ZNF343: variants seen among roughly 807,000 people sequenced by gnomAD.
ZNF343 encodes the protein zinc finger protein 343.
ZNF343 carries 11 observed loss-of-function variants against 13.8 expected under a neutral mutation model. The ratio of observed to expected loss-of-function variants is 0.80; its 90% CI spans 0.50 to 1.32. The LOEUF is 1.32. ZNF343 is among the 40% of genes most tolerant of loss of function. The pLI, the probability that ZNF343 is intolerant of heterozygous loss-of-function variation, is 0.00. For synonymous variants in ZNF343, 248 were observed against 260.0 expected, an observed-to-expected ratio of 0.95 and a Z score of 0.44; for missense variants, 658 against 714.2, an observed-to-expected ratio of 0.92 and a Z score of 0.90.
intron 5 of ZNF343, among the ~76,000 whole-genome samples, chr20:2,492,386 T>A (rs2085379725): frequency 6.6e-6 from 1 of 152,240 alleles, no homozygotes; most frequent in South Asian, 2.1e-4. Flanking sequence ...TTCACTGATT[T>A]CAAATACCCA....
intron 2 of ZNF343, among the ~76,000 whole-genome samples, chr20:2,500,285 T>A (rs2085537997): frequency 6.6e-6 from 1 of 152,222 alleles, no homozygotes; most frequent in African/African-American, 2.4e-5. Context: ...ACTTTCAAAT[T>A]GTTGAGAGTT....
In ZNF343 at chr20:2,482,006, A is replaced by G. The variant is rs370598114; in HGVS notation, c.*1155T>C. 4.6e-5 allele frequency: 7 copies of G among 152,298 alleles called. 1 individual carries two copies. Among genetic ancestry groups the G allele is most frequent in the East Asian group, 3.9e-4 (2 of 5,186 alleles). The allele number at this position is 152,298 out of a possible 1,614,324, so 9.4% of individuals were successfully genotyped here. A position where few individuals can be genotyped will look rare whatever the true frequency, so the allele number is the denominator to read the frequency against. ...TTGGGGTAGCAAGACTGTCCTCCTAAGTCAGTTGAGGAGTGACATCGGGAT... is the reference window on the plus strand; with the variant it reads ...TTGGGGTAGCAAGACTGTCCTCCTAGGTCAGTTGAGGAGTGACATCGGGAT... On this transcript the variant is annotated 3_prime_UTR_variant, in exon 6 of 6. Transcript: ENST00000278772.
chr20:2,509,432 C>T (rs538757799), upstream of ZNF343, among the ~76,000 whole-genome samples: 17 of 152,304 alleles, frequency 1.1e-4, no homozygotes, highest in South Asian at 1.0e-3. Context: ...CCAGTGCACT[C>T]CTGTGGGTGG....
rs2085189121 is a variant in ZNF343 at position 2,482,910 on chromosome 20, C to A, written c.*251G>T. ...TCCCACAGTCCCTACACATAAACTT[C>A]TCTCCTAAGTGTGTCCTTTTGTGCA... On this transcript the variant is annotated 3_prime_UTR_variant, in exon 6 of 6. Transcript: ENST00000278772. 7.9e-6 allele frequency: 4 copies of A among 508,178 alleles called. No homozygotes were observed. The South Asian group carries it at 1.3e-4, about 16-fold the overall frequency. 31.5% of individuals were successfully genotyped at this position (508,178 alleles called of 1,614,324 possible).
chr20:2,520,450 T>C (rs2085777482), intron 1 of ZNF343, among the ~76,000 whole-genome samples: 1 of 152,136 alleles, frequency 6.6e-6, no homozygotes, highest in Non-Finnish European at 1.5e-5. Context: ...CTGGACAACA[T>C]GGCAAGACCC....
intron 1 of ZNF343, among the ~76,000 whole-genome samples, chr20:2,504,753 C>A (rs368023530): frequency 1.1e-4 from 16 of 152,244 alleles, no homozygotes; most frequent in African/African-American, 2.6e-4. Flanking sequence ...ATTCAACAAC[C>A]CTTCATGCTA....
Position 2,484,585 on chromosome 20 carries a change from G to GAC in ZNF343, c.374_375dup (p.Gln126ValfsTer37), listed in dbSNP as rs749569536. ...CCCAGGAAGATCTGAAGTACATGTT[G>GAC]ACTGAGGAACTGCTGACAGGAGAAG... On this transcript the variant is annotated frameshift_variant, in exon 6 of 6. Coordinates refer to ENST00000278772, the MANE Select transcript of ZNF343 (RefSeq NM_024325.6). LOFTEE classifies it low-confidence loss of function (END_TRUNC). 1 of 1,614,076 alleles carries GAC rather than the reference G, an allele frequency of 6.2e-7. No homozygotes were observed. Among genetic ancestry groups the GAC allele is most frequent in the South Asian group, 1.1e-5 (1 of 91,042 alleles).
chr20:2,504,865 G>A (rs563434228), intron 1 of ZNF343, among the ~76,000 whole-genome samples: 1 of 152,230 alleles, frequency 6.6e-6, no homozygotes, highest in East Asian at 1.9e-4. Flanking sequence ...GGCAAAAACT[G>A]GAAGCATTCC....
chr20:2,499,496 A>G lies in ZNF343; in HGVS notation c.-150+1160T>C, dbSNP rs1029105655. The stretch of plus-strand genomic sequence containing the variant: ...AAAAAAAAAAAAAAAAAAAAAGAAA[A>G]AGAAATGGCCCTCTTGAGTAGGTGA... On this transcript the variant is annotated intron_variant, in intron 2 of 5. Coordinates refer to ENST00000278772, the MANE Select transcript of ZNF343 (RefSeq NM_024325.6). Among the ~76,000 whole-genome samples, 11 of 148,668 alleles carry G rather than the reference A, an allele frequency of 7.4e-5. 1 individual carries two copies. Among genetic ancestry groups the G allele is most frequent in the African/African-American group, 2.7e-4 (11 of 40,704 alleles).
chr20:2,515,271 T>G (rs1262190329), intron 1 of ZNF343, among the ~76,000 whole-genome samples: 1 of 150,104 alleles, frequency 6.7e-6, no homozygotes, highest in Non-Finnish European at 1.5e-5. Flanking sequence ...TTATGATATT[T>G]GTGAAAATGA....
At chr20:2,507,622 C>T (rs546358856) in intron 1 of ZNF343, among the ~76,000 whole-genome samples, 6 of 152,146 alleles carry the variant, frequency 3.9e-5, no homozygotes, top group South Asian at 4.1e-4. Flanking sequence ...GAGCGCCACA[C>T]GCTTAGCCAG....
intron 1 of ZNF343, among the ~76,000 whole-genome samples, chr20:2,521,902 G>A (rs1334481337): frequency 6.6e-6 from 1 of 152,220 alleles, no homozygotes; most frequent in Non-Finnish European, 1.5e-5. Context: ...CCCCTAGCGA[G>A]TGAGGGAAGC....
At chr20:2,490,535 T>TG in intron 5 of ZNF343, among the ~76,000 whole-genome samples, 1 of 147,316 alleles carries the variant, frequency 6.8e-6, no homozygotes, top group South Asian at 2.2e-4. Flanking sequence ...GTCTTTTTTT[T>TG]GGTTTTTGTT....
chr20:2,505,522 C>T (rs753742287), intron 1 of ZNF343, among the ~76,000 whole-genome samples: 7 of 152,128 alleles, frequency 4.6e-5, no homozygotes, highest in East Asian at 1.9e-4. Context: ...GGAGGCATCA[C>T]GCTACCTGAC....
chr20:2,522,919 C>T (rs2085788655), intron 1 of ZNF343, among the ~76,000 whole-genome samples: 1 of 152,198 alleles, frequency 6.6e-6, no homozygotes, highest in Non-Finnish European at 1.5e-5. Flanking sequence ...CAGAGCAACT[C>T]CATCTTGAAT....
At chr20:2,502,168 A>G (rs187437296) in intron 1 of ZNF343, among the ~76,000 whole-genome samples, 1 of 152,340 alleles carries the variant, frequency 6.6e-6, no homozygotes, top group East Asian at 1.9e-4. Context: ...TGACGAATGC[A>G]CAAGCCTCAG....
chr20:2,523,966 A>G (rs1317729507), intron 1 of ZNF343, among the ~76,000 whole-genome samples: 1 of 138,832 alleles, frequency 7.2e-6, no homozygotes, highest in Non-Finnish European at 1.6e-5. Context: ...CCTGGGTGAC[A>G]GAGACCCCGT....
intron 5 of ZNF343, among the ~76,000 whole-genome samples, chr20:2,490,649 T>C (rs1222446135): frequency 6.6e-6 from 1 of 151,682 alleles, no homozygotes; most frequent in Non-Finnish European, 1.5e-5. Flanking sequence ...GTGAATCTCC[T>C]GCCTCAGCCT....
At chr20:2,495,558 C>T (rs1029417796) in intron 2 of ZNF343, 4 of 152,228 alleles carry the variant, frequency 2.6e-5, no homozygotes, top group African/African-American at 9.7e-5. Context: ...CTAAAGCCAA[C>T]CTATAGTACC....
Sources: allele counts gnomAD v4.1 joint callset (sites outside exome capture counted in the v4.1 genomes callset), GRCh38; gene constraint gnomAD v4.1.1; transcripts MANE v1.5; gene names NCBI Gene and HGNC (gene_info 2026-07-23, HGNC 2026-07-21).